ZNF536: variants seen among roughly 807,000 people sequenced by gnomAD.
The protein encoded by ZNF536 is zinc finger protein 536.
A neutral mutation model predicts 84.5 loss-of-function variants in ZNF536; 13 were observed. That is an observed-to-expected ratio of 0.15 (90% CI 0.10 to 0.24). The LOEUF (loss-of-function observed/expected upper bound fraction) is 0.24. Ranked by LOEUF, ZNF536 falls within the 10% of genes least tolerant of loss-of-function variation. The pLI, the probability that ZNF536 is intolerant of heterozygous loss-of-function variation, is 1.00. For missense variants in ZNF536, 1,536 were observed against 1,747.5 expected, an observed-to-expected ratio of 0.88 and a Z score of 2.16; for synonymous variants, 811 against 742.5, an observed-to-expected ratio of 1.09 and a Z score of -1.50.
chr19:30,375,447 C>G (rs1027876931), intron 1 of ZNF536, among the ~76,000 whole-genome samples: 1 of 152,058 alleles, frequency 6.6e-6, no homozygotes, highest in Non-Finnish European at 1.5e-5. Flanking sequence ...CACGCGGCAC[C>G]GACCCGGGCG....
At chr19:30,238,125 G>T (rs1224961950) in intron 1 of ZNF536, among the ~76,000 whole-genome samples, 1 of 152,166 alleles carries the variant, frequency 6.6e-6, no homozygotes, top group Non-Finnish European at 1.5e-5. Flanking sequence ...TCAATGAATG[G>T]CCAGCTACTC....
chr19:30,442,067 T>A (rs2052077156), intron 1 of ZNF536, among the ~76,000 whole-genome samples: 1 of 152,242 alleles, frequency 6.6e-6, no homozygotes, highest in Non-Finnish European at 1.5e-5. Context: ...ACCACCTGGC[T>A]GCCCAACACA....
At chr19:30,453,823 C>G (rs1401157205) in intron 2 of ZNF536, among the ~76,000 whole-genome samples, 2 of 152,248 alleles carry the variant, frequency 1.3e-5, no homozygotes, top group Admixed American at 6.5e-5. Flanking sequence ...TCCACCACCC[C>G]CAAGAGAAAG....
Position 30,548,655 on chromosome 19 carries a change from C to A in ZNF536, c.3036C>A (p.Ser1012=). The part of the protein sequence containing the change: ...GCLFCAFTTS[S]MELMALHLQA... ...TGTTTTGTGCTTTCACAACGTCCTCCATGGAGCTCATGGCCCTTCATCTCC... is the reference window on the plus strand; with the variant it reads ...TGTTTTGTGCTTTCACAACGTCCTCAATGGAGCTCATGGCCCTTCATCTCC... The change falls in exon 4 of 5, where the codon TCC becomes TCA. Residue 1012 remains serine, a synonymous_variant. Coordinates refer to ENST00000355537, the MANE Select transcript of ZNF536 (RefSeq NM_014717.3). The A allele has an allele frequency of 1.9e-6, 3 of 1,614,108 alleles. No individual in the cohort carries two copies. The highest frequency in any genetic ancestry group is 1.7e-6 in the Non-Finnish European group (2 of 1,180,042).
intron 2 of ZNF536, among the ~76,000 whole-genome samples, chr19:30,505,380 CTA>C (rs1044854923): frequency 1.3e-4 from 19 of 146,002 alleles, no homozygotes; most frequent in South Asian, 6.4e-4. Flanking sequence ...TGAATGTATA[CTA>C]TATATATGGT....
intron 2 of ZNF536, among the ~76,000 whole-genome samples, chr19:30,452,203 T>C (rs1232490827): frequency 6.6e-6 from 1 of 152,234 alleles, no homozygotes; most frequent in Non-Finnish European, 1.5e-5. Context: ...CACTGTGTTA[T>C]GTGAGCCCTG....
intron 2 of ZNF536, among the ~76,000 whole-genome samples, chr19:30,456,311 T>G (rs937811412): frequency 6.9e-6 from 1 of 144,450 alleles, no homozygotes; most frequent in East Asian, 1.9e-4. Flanking sequence ...TTCTTTTCTT[T>G]TTTTTTTTTT....
intron 1 of ZNF536, among the ~76,000 whole-genome samples, chr19:30,432,057 T>C (rs1600704474): frequency 7.7e-6 from 1 of 129,424 alleles, no homozygotes; most frequent in Admixed American, 7.8e-5. Context: ...AGAGAGAGAG[T>C]CAGAGAGAGA....
intron 1 of ZNF536, among the ~76,000 whole-genome samples, chr19:30,443,181 G>C (rs777448918): frequency 6.6e-6 from 1 of 152,004 alleles, no homozygotes; most frequent in Non-Finnish European, 1.5e-5. Context: ...CTGCTCTCAG[G>C]CAAACTTTGG....
At chr19:30,701,139 C>T (rs2051932797) in intron 1 of ZNF536, among the ~76,000 whole-genome samples, 1 of 152,084 alleles carries the variant, frequency 6.6e-6, no homozygotes, top group African/African-American at 2.4e-5. Flanking sequence ...CTTTGATGGG[C>T]TTCTGTTCCT....
intron 1 of ZNF536, among the ~76,000 whole-genome samples, chr19:30,375,459 G>A (rs967096842): frequency 6.6e-6 from 1 of 152,098 alleles, no homozygotes. Flanking sequence ...ACCCGGGCGC[G>A]CCCCCGGCCC....
intron 1 of ZNF536, among the ~76,000 whole-genome samples, chr19:30,622,849 C>T (rs976314997): frequency 1.3e-5 from 2 of 151,984 alleles, no homozygotes; most frequent in African/African-American, 4.8e-5. Flanking sequence ...GATGTTGGAA[C>T]CCCAAATACC....
At chr19:30,600,138 G>A (rs542837945) in intron 1 of ZNF536, among the ~76,000 whole-genome samples, 2 of 151,964 alleles carry the variant, frequency 1.3e-5, no homozygotes, top group East Asian at 3.9e-4. Context: ...TGTTGCCCAG[G>A]CTGGACTGCA....
intron 1 of ZNF536, among the ~76,000 whole-genome samples, chr19:30,251,466 T>C (rs2024607464): frequency 6.6e-6 from 1 of 152,230 alleles, no homozygotes; most frequent in Admixed American, 6.5e-5. Flanking sequence ...CTAGTGTTCC[T>C]GCTGATGGTT....
intron 1 of ZNF536, among the ~76,000 whole-genome samples, chr19:30,434,079 G>T (rs1007441829): frequency 2.6e-5 from 4 of 152,184 alleles, no homozygotes; most frequent in Non-Finnish European, 4.4e-5. Context: ...AGGTCACACC[G>T]ATTCTAGTGG....
intron 2 of ZNF536, among the ~76,000 whole-genome samples, chr19:30,461,391 A>G (rs1287385202): frequency 6.6e-6 from 1 of 152,188 alleles, no homozygotes; most frequent in Non-Finnish European, 1.5e-5. Flanking sequence ...GGGAGGTCAG[A>G]GGTCACCACT....
chr19:30,607,171 G>T (rs1676719871), intron 1 of ZNF536, among the ~76,000 whole-genome samples: 1 of 152,132 alleles, frequency 6.6e-6, no homozygotes, highest in South Asian at 2.1e-4. Context: ...ATTTACAAAA[G>T]ATCCTACACA....
At chr19:30,684,426 C>T (rs963807600) in intron 1 of ZNF536, among the ~76,000 whole-genome samples, 10 of 152,164 alleles carry the variant, frequency 6.6e-5, no homozygotes, top group African/African-American at 1.7e-4. Context: ...TTTGAGCCAC[C>T]GCGTCTTGGC....
chr19:30,238,518 G>GT (rs1184434812), intron 1 of ZNF536, among the ~76,000 whole-genome samples: 1 of 151,972 alleles, frequency 6.6e-6, no homozygotes, highest in Non-Finnish European at 1.5e-5. Flanking sequence ...TGGATTCCTG[G>GT]TAGGGACATT....
Sources: gnomAD v4.1 joint callset for allele counts (sites outside exome capture counted in the v4.1 genomes callset) on GRCh38, gnomAD v4.1.1 for gene constraint, MANE v1.5 for transcripts, NCBI Gene and HGNC (gene_info 2026-07-23, HGNC 2026-07-21) for gene names.